TMEM168: variants seen among roughly 807,000 people sequenced by gnomAD.
The protein encoded by TMEM168 is transmembrane protein 168.
A neutral mutation model predicts 53.2 loss-of-function variants in TMEM168; 40 were observed. The ratio of observed to expected loss-of-function variants is 0.75; its 90% CI spans 0.58 to 0.98. TMEM168 has a LOEUF of 0.98. TMEM168 is among the 50% of genes least tolerant of loss of function. The pLI, the probability that TMEM168 is intolerant of heterozygous loss-of-function variation, is 0.00. For missense variants in TMEM168, 771 were observed against 828.8 expected, an observed-to-expected ratio of 0.93 and a Z score of 0.86; for synonymous variants, 282 against 293.0, an observed-to-expected ratio of 0.96 and a Z score of 0.38.
At chr7:112,773,098 A>G (rs1000828907) in intron 3 of TMEM168, 43 bp from the exon 4 acceptor site, 9 of 1,529,998 alleles carry the variant, frequency 5.9e-6, no homozygotes, top group Non-Finnish European at 7.9e-6. Flanking sequence ...TCTATATCAC[A>G]TTCTCATCTG....
In TMEM168 at chr7:112,789,114, T is replaced by C. The variant is rs574415630; in HGVS notation, c.-129+1046A>G. 2.0e-5 allele frequency among the ~76,000 whole-genome samples: 3 copies of C among 152,144 alleles called. No homozygotes were observed. The South Asian group carries it at 6.2e-4, about 31-fold the overall frequency. On this transcript the variant is annotated intron_variant, in intron 1 of 4. Coordinates refer to ENST00000312814, the MANE Select transcript of TMEM168 (RefSeq NM_022484.6). ...ACCTTTCAATTACAAACTGCACAAATGCTATTCCCTTGCCAGGTACACTCC... is the reference window on the plus strand; with the variant it reads ...ACCTTTCAATTACAAACTGCACAAACGCTATTCCCTTGCCAGGTACACTCC...
At chr7:112,783,675 T>A (rs371499232) in intron 2 of TMEM168, 23 bp downstream of exon 2, 1 of 1,447,930 alleles carries the variant, frequency 6.9e-7, no homozygotes, top group Non-Finnish European at 9.1e-7. Context: ...TCATTGGGGT[T>A]GCTGGACAAA....
chr7:112,785,533 C>T (rs1369474587), intron 1 of TMEM168, among the ~76,000 whole-genome samples: 1 of 152,214 alleles, frequency 6.6e-6, no homozygotes, highest in African/African-American at 2.4e-5. Context: ...AAAGTTGAGC[C>T]ATAATTCTCC....
chr7:112,782,898 C>A (rs1269603418), intron 2 of TMEM168, among the ~76,000 whole-genome samples: 1 of 151,982 alleles, frequency 6.6e-6, no homozygotes, highest in Non-Finnish European at 1.5e-5. Context: ...ACACTGTAAT[C>A]ATAATTGTTT....
rs934356757 is a variant in TMEM168, at chr7:112,763,269, A to C, written c.*3928T>G. 3.9e-4 allele frequency: 59 copies of C among 152,106 alleles called. No individual in the cohort carries two copies. Among genetic ancestry groups the C allele is most frequent in the Admixed American group, 2.4e-3 (37 of 15,268 alleles). The allele number at this position is 152,106 out of a possible 1,614,324, so 9.4% of individuals were successfully genotyped here. A position where few individuals can be genotyped will look rare whatever the true frequency, so the allele number is the denominator to read the frequency against. Reference sequence around the variant, plus strand: ...TTGCTTTCTTTTTATGGATTCTGTAAGTTTTTTACTAAATTACTTGCTTAA... The same window carrying C: ...TTGCTTTCTTTTTATGGATTCTGTACGTTTTTTACTAAATTACTTGCTTAA... On this transcript the variant is annotated 3_prime_UTR_variant, in exon 5 of 5. Transcript: ENST00000312814.
chr7:112,763,896 GA>G lies in TMEM168; in HGVS notation c.*3300del, dbSNP rs1305506182. On this transcript the variant is annotated 3_prime_UTR_variant, in exon 5 of 5. Transcript: ENST00000312814. The stretch of plus-strand genomic sequence containing the variant: ...TAACTGGTCATAAGAATAATCCTCT[GA>G]AATGCATCTTTTCCAAAGAATTTTG... 1.3e-5 allele frequency: 2 copies of G among 151,936 alleles called. No individual in the cohort carries two copies. Among genetic ancestry groups the G allele is most frequent in the African/African-American group, 4.8e-5 (2 of 41,380 alleles). The allele number at this position is 151,936 out of a possible 1,614,324, so 9.4% of individuals were successfully genotyped here.
chr7:112,777,939 T>C (rs2116269218), intron 2 of TMEM168, among the ~76,000 whole-genome samples: 1 of 128,644 alleles, frequency 7.8e-6, no homozygotes, highest in Non-Finnish European at 1.7e-5. Context: ...TGTGTGTGTG[T>C]GTGTACCTGG....
Position 112,784,189 on chromosome 7 carries a change from A to T in TMEM168, c.637T>A (p.Phe213Ile). ...TTGGGAGTTTCCAATGAGGAAAAAA[A>T]TAACAAAACTGCAAAAATAACTAAG... is the stretch of plus-strand genomic sequence containing the variant. ...PNLVIFAVLLFFSSLETPKNP... is the reference protein window; with the variant it reads ...PNLVIFAVLLIFSSLETPKNP... The change falls in exon 2 of 5, where the codon TTT becomes ATT. Residue 213 changes from phenylalanine (F) to isoleucine (I), a missense_variant. Coordinates refer to ENST00000312814, the MANE Select transcript of TMEM168 (RefSeq NM_022484.6). The T allele has an allele frequency of 1.2e-6, 2 of 1,613,306 alleles. No homozygotes were observed. The highest frequency in any genetic ancestry group is 1.7e-6 in the Non-Finnish European group (2 of 1,179,886).
At chr7:112,776,673 A>G (rs1793092491) in intron 2 of TMEM168, among the ~76,000 whole-genome samples, 1 of 151,992 alleles carries the variant, frequency 6.6e-6, no homozygotes, top group African/African-American at 2.4e-5. Context: ...CATTCCAAAT[A>G]CCATCATCTA....
At chr7:112,788,669 T>C (rs957926361) in intron 1 of TMEM168, 3 of 152,198 alleles carry the variant, frequency 2.0e-5, no homozygotes, top group African/African-American at 4.8e-5. Flanking sequence ...AATATGCATA[T>C]GGGAAAAGCT....
intron 4 of TMEM168, 95 bp from the exon 5 acceptor site, chr7:112,767,839 T>A: frequency 1.8e-6 from 2 of 1,082,196 alleles, no homozygotes; most frequent in Non-Finnish European, 2.6e-6. Context: ...GAAAATACTC[T>A]TGTTATACAT....
In TMEM168 at chr7:112,767,641, G is replaced by A. The variant is rs779498525; in HGVS notation, c.1650C>T (p.Thr550=). Residue 550 remains threonine, a synonymous_variant, in exon 5 of 5, where the codon ACC becomes ACT. Coordinates refer to ENST00000312814, the MANE Select transcript of TMEM168 (RefSeq NM_022484.6). ...TTTTCCTCACTTCTTTCACCCAAGG[G>A]GTTGAATTTTCGCTGTCTAATACGA... ...LIIVLDSENS[T]PWVKEVRKIN... 5 of 1,613,986 alleles carry A rather than the reference G, an allele frequency of 3.1e-6. No individual in the cohort carries two copies. The South Asian group carries it at 5.5e-5, about 18-fold the overall frequency.
In TMEM168 at chr7:112,781,387, T is replaced by C. The variant is rs181088184; in HGVS notation, c.1128+2311A>G. Among the ~76,000 whole-genome samples the C allele has an allele frequency of 8.9e-4, 135 of 152,240 alleles. No individual in the cohort carries two copies. The Middle Eastern group carries it at 0.014, about 15-fold the overall frequency. On this transcript the variant is annotated intron_variant, in intron 2 of 4. Coordinates refer to ENST00000312814, the MANE Select transcript of TMEM168 (RefSeq NM_022484.6). ...GGCCTAAAAGACTAAAATCACACAGTGTTCTCCAACTACATGGAATTAGAA... is the reference window on the plus strand; with the variant it reads ...GGCCTAAAAGACTAAAATCACACAGCGTTCTCCAACTACATGGAATTAGAA...
chr7:112,763,029 T>C lies in TMEM168; in HGVS notation c.*4168A>G, dbSNP rs1353598941. On this transcript the variant is annotated 3_prime_UTR_variant, in exon 5 of 5. Transcript: ENST00000312814. ...TGTTCATCAGTCAGACTTTTAATAA[T>C]TTCCATTTCTGGTAAATTTCCAATC... 1 of 152,082 alleles carries C rather than the reference T, an allele frequency of 6.6e-6. No individual in the cohort carries two copies. The highest frequency in any genetic ancestry group is 6.6e-5 in the Admixed American group (1 of 15,262). 9.4% of individuals were successfully genotyped at this position (152,082 alleles called of 1,614,324 possible).
chr7:112,783,767 G>A lies in TMEM168; in HGVS notation c.1059C>T (p.Cys353=). The A allele has an allele frequency of 6.3e-7, 1 of 1,579,884 alleles. No individual in the cohort carries two copies. The highest frequency in any genetic ancestry group is 2.3e-5 in the East Asian group (1 of 44,256). Residue 353 remains cysteine (C), a synonymous_variant, in exon 2 of 5, where the codon TGC becomes TGT. Transcript: ENST00000312814. ...IMASKGMRHF[C]LISEQLVFFS... is the part of the protein sequence containing the mutation. ...AGAACACCAACTGCTCTGAAATCAA[G>A]CAAAAATGGCGCATCCCTTTGGATG...
rs35855244 is a variant in TMEM168 at position 112,764,807 on chromosome 7, C to CTT, written c.*2388_*2389dup. 1.5e-5 allele frequency: 2 copies of CTT among 129,786 alleles called. No homozygotes were observed. The highest frequency in any genetic ancestry group is 3.3e-5 in the Non-Finnish European group (2 of 59,836). The allele number at this position is 129,786 out of a possible 1,614,324, so 8.0% of individuals were successfully genotyped here. Reference sequence around the variant, plus strand: ...GCCACCATGCCTGGCTAAACATGTACTTTTTTTTTTTTTTGAGACAAAGAA... The same window carrying CTT: ...GCCACCATGCCTGGCTAAACATGTACTTTTTTTTTTTTTTTTGAGACAAAGAA... On this transcript the variant is annotated 3_prime_UTR_variant, in exon 5 of 5. Transcript: ENST00000312814.
chr7:112,772,397 A>C (rs966033752), intron 4 of TMEM168, among the ~76,000 whole-genome samples: 13 of 152,210 alleles, frequency 8.5e-5, no homozygotes, highest in African/African-American at 3.1e-4. Flanking sequence ...AATTTTGGTG[A>C]GCTTTATAAC....
At position 112,784,411 on chromosome 7, in the gene TMEM168, G is replaced by C. The variant is rs761583534; in HGVS notation, c.415C>G (p.Leu139Val). ...TSIVLRILCS[L>V]VERISGYVRH... Reference sequence around the variant, plus strand: ...ACATAACCAGAAATTCTCTCCACCAGAGAGCACAATATCCTTAACACTATG... The same window carrying C: ...ACATAACCAGAAATTCTCTCCACCACAGAGCACAATATCCTTAACACTATG... Residue 139 changes from leucine (L) to valine (V), a missense_variant, in exon 2 of 5, where the codon CTG (leucine) becomes GTG (valine). Physicochemically the swap from Leu to Val is conservative, Grantham distance 32. Transcript: ENST00000312814. The C allele has an allele frequency of 6.2e-7, 1 of 1,614,112 alleles. No individual in the cohort carries two copies. The highest frequency in any genetic ancestry group is 1.1e-5 in the South Asian group (1 of 91,080).
At chr7:112,787,880 G>C (rs1793434986) in intron 1 of TMEM168, among the ~76,000 whole-genome samples, 1 of 151,096 alleles carries the variant, frequency 6.6e-6, no homozygotes, top group Non-Finnish European at 1.5e-5. Flanking sequence ...TTACAGGCAT[G>C]TGCCACCATG....
Sources: allele counts gnomAD v4.1 joint callset (sites outside exome capture counted in the v4.1 genomes callset), GRCh38; gene constraint gnomAD v4.1.1; transcripts MANE v1.5; gene names NCBI Gene and HGNC (gene_info 2026-07-23, HGNC 2026-07-21).